The following NSMCE2 variants were observed in gnomAD, a reference collection of about 807,000 sequenced individuals.
NSMCE2 encodes E3 SUMO-protein ligase NSE2.
In NSMCE2, 24 loss-of-function variants were observed where a neutral mutation model predicts 23.8. The ratio of observed to expected loss-of-function variants is 1.01; its 90% confidence interval spans 0.73 to 1.42. NSMCE2 has a LOEUF of 1.42. NSMCE2 is among the 40% of genes most tolerant of loss of function. NSMCE2 has a pLI of 0.00. For missense variants in NSMCE2, 284 were observed against 296.5 expected (o/e 0.96, Z 0.31); for synonymous variants, 92 against 94.1 (o/e 0.98, Z 0.13).
At chr8:125,260,822 C>T (rs1826660467) in intron 5 of NSMCE2, among the ~76,000 whole-genome samples, 1 of 151,854 alleles carries the variant, frequency 6.6e-6, no homozygotes, top group Non-Finnish European at 1.5e-5. Flanking sequence ...TGAGGTTTCA[C>T]CATGTTGGCC....
At chr8:125,363,852 C>G (rs1049971839) in intron 7 of NSMCE2, among the ~76,000 whole-genome samples, 1 of 152,116 alleles carries the variant, frequency 6.6e-6, no homozygotes, top group Admixed American at 6.6e-5. Flanking sequence ...ATACCTGGGC[C>G]AAATCACCCT....
chr8:125,308,260 A>G (rs746394099), intron 5 of NSMCE2, among the ~76,000 whole-genome samples: 1 of 152,196 alleles, frequency 6.6e-6, no homozygotes, highest in Non-Finnish European at 1.5e-5. Context: ...ACTGAGTCTC[A>G]GGCCTTTGCT....
chr8:125,145,507 T>C (rs1820629883), intron 3 of NSMCE2, among the ~76,000 whole-genome samples: 2 of 152,144 alleles, frequency 1.3e-5, no homozygotes, highest in Non-Finnish European at 2.9e-5. Flanking sequence ...TCCATGTATT[T>C]ATTGGCTTGT....
At chr8:125,329,195 G>C (rs1409574997) in intron 5 of NSMCE2, among the ~76,000 whole-genome samples, 1 of 152,204 alleles carries the variant, frequency 6.6e-6, no homozygotes, top group Non-Finnish European at 1.5e-5. Context: ...GTCCCCAGCA[G>C]CGGGCAATCC....
rs1274858603 is a variant in NSMCE2 at position 125,115,499 on chromosome 8, C to T, written c.157+13012C>T. ...GGCTCAGTGGCTCACGCCTGTAATC[C>T]CAGCACTTTGGAAGGCCAAGTCACA... On this transcript the variant is annotated intron_variant, in intron 3 of 7. Coordinates refer to ENST00000287437, the MANE Select transcript of NSMCE2 (RefSeq NM_173685.4). Among the ~76,000 whole-genome samples the T allele has an allele frequency of 3.3e-5, 5 of 152,276 alleles. No homozygotes were observed. The East Asian group carries it at 9.7e-4, about 29-fold the overall frequency.
Position 125,321,121 on chromosome 8 carries a change from T to C in NSMCE2, c.419-36098T>C, listed in dbSNP as rs549659908. On this transcript the variant is annotated intron_variant, in intron 5 of 7. Transcript: ENST00000287437. ...TCCCACCAGGCCCCACCTCCAGTAT[T>C]GGTGATTACATTTCAATATGAGATT... is the stretch of plus-strand genomic sequence containing the variant. Among the ~76,000 whole-genome samples, 22 of 152,268 alleles carry C rather than the reference T, an allele frequency of 1.4e-4. No individual in the cohort carries two copies. The South Asian group carries it at 1.5e-3, about 10-fold the overall frequency.
chr8:125,202,473 G>A (rs933041630), intron 5 of NSMCE2, among the ~76,000 whole-genome samples: 1 of 152,194 alleles, frequency 6.6e-6, no homozygotes, highest in Non-Finnish European at 1.5e-5. Context: ...ATGAGAAAAT[G>A]TAAGTTCAGA....
At chr8:125,128,211 A>G (rs2130543620) in intron 3 of NSMCE2, among the ~76,000 whole-genome samples, 1 of 152,268 alleles carries the variant, frequency 6.6e-6, no homozygotes, top group East Asian at 1.9e-4. Flanking sequence ...AAAAATAGGA[A>G]TAGGATAATT....
intron 7 of NSMCE2, among the ~76,000 whole-genome samples, chr8:125,363,930 G>A (rs1216009548): frequency 6.6e-6 from 1 of 151,818 alleles, no homozygotes; most frequent in East Asian, 1.9e-4. Context: ...AGTATGTAGG[G>A]CACTTTTTTT....
intron 5 of NSMCE2, among the ~76,000 whole-genome samples, chr8:125,188,344 G>A (rs1001099608): frequency 6.6e-6 from 1 of 152,120 alleles, no homozygotes; most frequent in African/African-American, 2.4e-5. Flanking sequence ...TGAGGCCTAG[G>A]TACAGTGTAG....
In NSMCE2 at chr8:125,167,065, T is replaced by A. The variant is rs1821924490; in HGVS notation, c.265-15038T>A. ...CCACTGTCTCCCACCTCATCTCCCC[T>A]CCACATGTACTCTCACACAAAGACT... On this transcript the variant is annotated intron_variant, in intron 4 of 7. Transcript: ENST00000287437. 2.0e-5 allele frequency among the ~76,000 whole-genome samples: 3 copies of A among 152,154 alleles called. No individual in the cohort carries two copies. The South Asian group carries it at 6.2e-4, about 32-fold the overall frequency.
At chr8:125,294,709 G>GA (rs1450182979) in intron 5 of NSMCE2, among the ~76,000 whole-genome samples, 4 of 152,122 alleles carry the variant, frequency 2.6e-5, no homozygotes, top group African/African-American at 7.2e-5. Flanking sequence ...AATTATACGT[G>GA]AAAAAACATA....
chr8:125,279,822 C>T (rs1249450659), intron 5 of NSMCE2, among the ~76,000 whole-genome samples: 1 of 152,080 alleles, frequency 6.6e-6, no homozygotes, highest in Non-Finnish European at 1.5e-5. Flanking sequence ...ACACTTTTTC[C>T]CCCTTTGAGC....
chr8:125,197,497 C>T (rs538595917), intron 5 of NSMCE2, among the ~76,000 whole-genome samples: 14 of 152,228 alleles, frequency 9.2e-5, no homozygotes, highest in Non-Finnish European at 1.8e-4. Context: ...TATCAAAGAT[C>T]GGATGGTTGT....
chr8:125,340,159 C>A (rs1194759094), intron 5 of NSMCE2, among the ~76,000 whole-genome samples: 1 of 151,574 alleles, frequency 6.6e-6, no homozygotes, highest in Non-Finnish European at 1.5e-5. Context: ...GGACTACAGG[C>A]GCCCGCCATC....
intron 5 of NSMCE2, among the ~76,000 whole-genome samples, chr8:125,231,668 A>T (rs772840675): frequency 2.2e-4 from 33 of 151,968 alleles, no homozygotes; most frequent in Non-Finnish European, 3.8e-4. Flanking sequence ...GTTTCATGAA[A>T]TTTTTTTTCA....
chr8:125,145,137 A>G (rs777768522), intron 3 of NSMCE2, among the ~76,000 whole-genome samples: 54 of 152,212 alleles, frequency 3.5e-4, no homozygotes, highest in Non-Finnish European at 6.0e-4. Context: ...TTTGCCACTC[A>G]GTAGGAAAAA....
chr8:125,310,908 A>G (rs958358421), intron 5 of NSMCE2, among the ~76,000 whole-genome samples: 1 of 152,250 alleles, frequency 6.6e-6, no homozygotes. Context: ...ACTTGTAATA[A>G]AACATTAATA....
chr8:125,109,222 A>G (rs1460748961), intron 3 of NSMCE2, among the ~76,000 whole-genome samples: 1 of 152,228 alleles, frequency 6.6e-6, no homozygotes, highest in Non-Finnish European at 1.5e-5. Flanking sequence ...GACCTTGGGC[A>G]AATTCTCTAC....
Sources: gnomAD v4.1 joint callset for allele counts (sites outside exome capture counted in the v4.1 genomes callset) on GRCh38, gnomAD v4.1.1 for gene constraint, MANE v1.5 for transcripts, NCBI Gene and HGNC (gene_info 2026-07-23, HGNC 2026-07-21) for gene names.